The following SDK1 variants were observed in gnomAD, a reference collection of about 807,000 sequenced individuals.
SDK1 encodes the protein protein sidekick-1.
SDK1 carries 157 observed loss-of-function variants against 245.5 expected under a neutral mutation model. The ratio of observed to expected loss-of-function variants is 0.64; its 90% CI spans 0.56 to 0.73. SDK1 has a LOEUF of 0.73. Among genes scored for constraint, SDK1 ranks in the 30% least tolerant of loss-of-function variants. The probability of loss-of-function intolerance (pLI) is 0.00; values close to 1 mark genes in which losing one functional copy is unlikely to be tolerated. For missense variants in SDK1, 3,583 were observed against 3,002.3 expected, an observed-to-expected ratio of 1.19 and a Z score of -4.52; for synonymous variants, 1,647 against 1,278.5, an observed-to-expected ratio of 1.29 and a Z score of -6.15.
intron 1 of SDK1, among the ~76,000 whole-genome samples, chr7:3,483,090 C>A (rs1008851746): frequency 1.3e-5 from 2 of 152,066 alleles, no homozygotes; most frequent in East Asian, 3.9e-4. Context: ...AGTTTTCTTA[C>A]ATATTTTATG....
At chr7:3,676,828 T>C (rs1258373521) in intron 4 of SDK1, among the ~76,000 whole-genome samples, 1 of 152,208 alleles carries the variant, frequency 6.6e-6, no homozygotes, top group East Asian at 1.9e-4. Flanking sequence ...TGGTTGTAGG[T>C]GTGTGGCTTT....
intron 4 of SDK1, among the ~76,000 whole-genome samples, chr7:3,741,987 CATATATAT>C (rs142076799): frequency 6.8e-5 from 9 of 132,122 alleles, no homozygotes; most frequent in South Asian, 2.6e-4. Flanking sequence ...TTGTAGTGTG[CATATATAT>C]ATATATATAT....
At chr7:4,187,387 C>T (rs922080438) in intron 35 of SDK1, among the ~76,000 whole-genome samples, 17 of 152,226 alleles carry the variant, frequency 1.1e-4, no homozygotes, top group African/African-American at 3.4e-4. Flanking sequence ...TGGGATAAAA[C>T]GCTAGAAGCA....
At position 3,722,974 on chromosome 7, in the gene SDK1, C is replaced by T. The variant is rs1272146601; in HGVS notation, c.713+80869C>T. Among the ~76,000 whole-genome samples the T allele has an allele frequency of 7.9e-5, 12 of 152,324 alleles. No homozygotes were observed. In the East Asian group the frequency reaches 2.3e-3, roughly 29 times the overall value. The stretch of plus-strand genomic sequence containing the variant: ...TGGAAATTGCTTTACATGTTTTAAA[C>T]TTCACATTACTCTTTGGGAGAAGAA... On this transcript the variant is annotated intron_variant, in intron 4 of 44. Coordinates refer to ENST00000404826, the MANE Select transcript of SDK1 (RefSeq NM_152744.4).
chr7:4,071,334 C>G (rs1258725889), intron 20 of SDK1, among the ~76,000 whole-genome samples: 1 of 152,210 alleles, frequency 6.6e-6, no homozygotes, highest in Non-Finnish European at 1.5e-5. Flanking sequence ...CTCACCTTAA[C>G]TTTTAAAAAA....
rs1370147716 is a variant in SDK1 at position 4,174,369 on chromosome 7, C to T, written c.4936+12C>T. On this transcript the variant is annotated intron_variant, in intron 33 of 44. Coordinates refer to ENST00000404826, the MANE Select transcript of SDK1 (RefSeq NM_152744.4). Reference sequence around the variant, plus strand: ...TGCTGAGCTCACAGGTGAGACTGTCCCCTCTGTCCTGGTACAGGGAGGGAG... The same window carrying T: ...TGCTGAGCTCACAGGTGAGACTGTCTCCTCTGTCCTGGTACAGGGAGGGAG... 3 of 1,613,216 alleles carry T rather than the reference C, an allele frequency of 1.9e-6. No homozygotes were observed. Among genetic ancestry groups the T allele is most frequent in the Non-Finnish European group, 2.5e-6 (3 of 1,179,492 alleles).
intron 4 of SDK1, among the ~76,000 whole-genome samples, chr7:3,681,281 A>C (rs1784092101): frequency 6.6e-6 from 1 of 152,150 alleles, no homozygotes. Flanking sequence ...TTTTTGTAGC[A>C]TTCGTATTTG....
intron 22 of SDK1, among the ~76,000 whole-genome samples, chr7:4,085,489 A>G (rs935903816): frequency 2.6e-5 from 4 of 152,116 alleles, no homozygotes; most frequent in African/African-American, 9.7e-5. Context: ...CGTTCATTTC[A>G]GGACTTGTTT....
chr7:3,687,201 C>G (rs921705522), intron 4 of SDK1, among the ~76,000 whole-genome samples: 2 of 146,276 alleles, frequency 1.4e-5, no homozygotes, highest in African/African-American at 5.1e-5. Context: ...GAGATAGAGT[C>G]TCTCTCTGTC....
chr7:3,974,499 G>A lies in SDK1; in HGVS notation c.1948G>A (p.Val650Ile), dbSNP rs776796126. 2 of 1,614,162 alleles carry A rather than the reference G, an allele frequency of 1.2e-6. No homozygotes were observed. Among genetic ancestry groups the A allele is most frequent in the South Asian group, 2.2e-5 (2 of 91,084 alleles). ...GDIGDYSCEI[V>I]SEGGNDSRMA... ...CATCGGTGACTACAGCTGCGAGATT[G>A]TTTCTGAAGGAGGGAATGACTCCAG... Residue 650 changes from valine to isoleucine, a missense_variant, in exon 13 of 45, where the codon GTT (valine) becomes ATT (isoleucine). Coordinates refer to ENST00000404826, the MANE Select transcript of SDK1 (RefSeq NM_152744.4).
At position 4,265,113 on chromosome 7, in the gene SDK1, G is replaced by A. The variant is rs771225738; in HGVS notation, c.6382-11G>A. The A allele has an allele frequency of 9.3e-6, 15 of 1,608,374 alleles. No individual in the cohort carries two copies. Among genetic ancestry groups the A allele is most frequent in the Admixed American group, 1.7e-5 (1 of 59,838 alleles). ...GCCCTGCACTCACACCTTCTCTCCC[G>A]CTCCCCGCAGGCCACGGACTCTGAC... is the stretch of plus-strand genomic sequence containing the variant. On this transcript the variant is annotated splice_polypyrimidine_tract_variant and intron_variant, in intron 44 of 44. Transcript: ENST00000404826.
At chr7:3,405,483 T>C (rs1007806634) in intron 1 of SDK1, among the ~76,000 whole-genome samples, 3 of 152,218 alleles carry the variant, frequency 2.0e-5, no homozygotes, top group Admixed American at 1.3e-4. Context: ...TATATGCTTT[T>C]ACAGATCTCT....
At chr7:3,320,181 C>T (rs1379156165) in intron 1 of SDK1, among the ~76,000 whole-genome samples, 1 of 152,062 alleles carries the variant, frequency 6.6e-6, no homozygotes, top group South Asian at 2.1e-4. Flanking sequence ...CCCGTCCTTC[C>T]CACCGCACAC....
intron 5 of SDK1, among the ~76,000 whole-genome samples, chr7:3,841,639 T>C (rs564237575): frequency 4.6e-5 from 7 of 152,044 alleles, no homozygotes; most frequent in African/African-American, 1.4e-4. Context: ...CAATCTCGGC[T>C]CACTGCAACC....
chr7:3,811,737 G>T (rs558286822), intron 4 of SDK1, among the ~76,000 whole-genome samples: 1 of 152,288 alleles, frequency 6.6e-6, no homozygotes, highest in South Asian at 2.1e-4. Flanking sequence ...CCAGAGCTCC[G>T]GTGGAAGGCA....
At chr7:3,425,934 A>G (rs1419551254) in intron 1 of SDK1, among the ~76,000 whole-genome samples, 1 of 152,130 alleles carries the variant, frequency 6.6e-6, no homozygotes, top group Non-Finnish European at 1.5e-5. Context: ...CAGGTGGGTT[A>G]AAAATAATTT....
At chr7:3,381,448 G>C (rs1481341191) in intron 1 of SDK1, among the ~76,000 whole-genome samples, 2 of 152,058 alleles carry the variant, frequency 1.3e-5, no homozygotes, top group African/African-American at 4.8e-5. Flanking sequence ...CAGCGGGAGT[G>C]AGCCCCTCTC....
chr7:3,634,776 A>G (rs571453850), intron 2 of SDK1, among the ~76,000 whole-genome samples: 14 of 152,346 alleles, frequency 9.2e-5, no homozygotes, highest in Admixed American at 3.3e-4. Context: ...ACATTAGACT[A>G]AAGAGATGGT....
At chr7:4,027,122 C>T (rs1787418682) in intron 17 of SDK1, among the ~76,000 whole-genome samples, 1 of 152,170 alleles carries the variant, frequency 6.6e-6, no homozygotes. Context: ...GCTCCCAGCC[C>T]CTGGCTTGCT....
Sources: gnomAD v4.1 joint callset for allele counts (sites outside exome capture counted in the v4.1 genomes callset) on GRCh38, gnomAD v4.1.1 for gene constraint, MANE v1.5 for transcripts, NCBI Gene and HGNC (gene_info 2026-07-23, HGNC 2026-07-21) for gene names.